POLR2E: variants seen among roughly 807,000 people sequenced by gnomAD.
The protein encoded by POLR2E is DNA-directed RNA polymerases I, II, and III subunit RPABC1.
In POLR2E, 35 loss-of-function variants were observed where a neutral mutation model predicts 29.8. The observed-to-expected ratio is 1.17, with a 90% CI of 0.90 to 1.55. The LOEUF (loss-of-function observed/expected upper bound fraction) is 1.55. POLR2E is among the 40% of genes most tolerant of loss of function. The pLI is 0.00. For synonymous variants in POLR2E, 174 were observed against 112.6 expected (o/e 1.55, Z -3.45); for missense variants, 287 against 288.6 (o/e 0.99, Z 0.04).
chr19:1,093,863 C>A, intron 2 of POLR2E, 41 bp downstream of exon 2: 1 of 1,529,642 alleles, frequency 6.5e-7, no homozygotes, highest in Non-Finnish European at 8.8e-7. Context: ...GGCAGGTGCT[C>A]TGGTGGCTTC....
In POLR2E at chr19:1,089,421, G is replaced by C. The variant is rs555654259; in HGVS notation, c.*14+51C>G. On this transcript the variant is annotated intron_variant, in intron 7 of 7. Coordinates refer to ENST00000615234, the MANE Select transcript of POLR2E (RefSeq NM_002695.5). Reference sequence around the variant, plus strand: ...AGCCCTGCACACCGACGGAGGGGACGACACCCCTGCCTCTGACCCCACCTC... The same window carrying C: ...AGCCCTGCACACCGACGGAGGGGACCACACCCCTGCCTCTGACCCCACCTC... 9.7e-6 allele frequency: 12 copies of C among 1,241,382 alleles called. No homozygotes were observed. The East Asian group carries it at 2.9e-4, about 30-fold the overall frequency. The allele number at this position is 1,241,382 out of a possible 1,614,324, so 76.9% of individuals were successfully genotyped here.
intron 4 of POLR2E, among the ~76,000 whole-genome samples, chr19:1,090,696 G>A (rs2068884400): frequency 2.6e-5 from 4 of 151,922 alleles, no homozygotes; most frequent in Admixed American, 2.6e-4. Flanking sequence ...GGGATTACAT[G>A]TGTGAGCCAC....
rs1568513176 is a variant in POLR2E at position 1,091,821 on chromosome 19, G to C, written c.319C>G (p.Gln107Glu). Residue 107 changes from glutamine to glutamate, a missense_variant, in exon 3 of 8, where the codon CAG (glutamine) becomes GAG (glutamate). By Grantham distance (29) the Gln-to-Glu change is conservative. Transcript: ENST00000615234. ...ENITRALIVVQQGMTPSAKQS... is the reference protein window; with the variant it reads ...ENITRALIVVEQGMTPSAKQS... ...TTGGCGGAGGGTGTCATGCCCTGCT[G>C]CACCACGATGAGAGCCCGTGTGATG... 1 of 1,611,814 alleles carries C rather than the reference G, an allele frequency of 6.2e-7. No homozygotes were observed. Among genetic ancestry groups the C allele is most frequent in the African/African-American group, 1.3e-5 (1 of 75,024 alleles).
Position 1,089,937 on chromosome 19 carries a change from T to C in POLR2E, c.514A>G (p.Arg172Gly). Residue 172 changes from arginine (R) to glycine (G), a missense_variant, in exon 6 of 8, where the codon AGG (arginine) becomes GGG (glycine). By Grantham distance (125) the Arg-to-Gly change is moderately radical (BLOSUM62 -2). Transcript: ENST00000615234. ...GCCACAGGGTCCCCCGCCTGGATCCTGGGCAGCTGGTTCTCTCGGAGCTTA... is the reference window on the plus strand; with the variant it reads ...GCCACAGGGTCCCCCGCCTGGATCCCGGGCAGCTGGTTCTCTCGGAGCTTA... ...RYKLRENQLP[R>G]IQAGDPVARY... 6.2e-7 allele frequency: 1 copy of C among 1,610,228 alleles called. No individual in the cohort carries two copies. The highest frequency in any genetic ancestry group is 8.5e-7 in the Non-Finnish European group (1 of 1,178,874).
At chr19:1,090,003 G>A (rs369834234) in intron 5 of POLR2E, 41 bp from the exon 6 acceptor site, 391 of 1,563,062 alleles carry the variant, frequency 2.5e-4, no homozygotes, top group Non-Finnish European at 3.2e-4. Flanking sequence ...AGGGCCGTTG[G>A]GGGGGCAGGG....
In POLR2E at chr19:1,095,326, G is replaced by C. The variant is rs774680156; in HGVS notation, c.-11C>G. The C allele has an allele frequency of 1.3e-6, 2 of 1,592,006 alleles. No individual in the cohort carries two copies. Among genetic ancestry groups the C allele is most frequent in the Admixed American group, 1.7e-5 (1 of 59,434 alleles). On this transcript the variant is annotated 5_prime_UTR_variant, in exon 1 of 8. Coordinates refer to ENST00000615234, the MANE Select transcript of POLR2E (RefSeq NM_002695.5). ...CTCCTCGTCGTCCATGGCAGCCTCC[G>C]CCGCCGCCGCCGCTCGCACCCCTTC... is the stretch of plus-strand genomic sequence containing the variant.
At chr19:1,091,067 G>A (rs1380969160) in intron 3 of POLR2E, 79 bp from the exon 4 acceptor site, 14 of 1,251,514 alleles carry the variant, frequency 1.1e-5, no homozygotes, top group East Asian at 4.7e-5. Context: ...AAGCTACCTG[G>A]GGCTTACTCG....
rs1028649314 is a variant in POLR2E at position 1,091,806 on chromosome 19, G to T, written c.334C>A (p.Pro112Thr). Reference protein sequence around the residue: ...ALIVVQQGMTPSAKQSLVDMA... With the variant: ...ALIVVQQGMTTSAKQSLVDMA... ...GGGGTGCCCACCTGCTTGGCGGAGG[G>T]TGTCATGCCCTGCTGCACCACGATG... The change falls in exon 3 of 8, where the codon CCC becomes ACC. Residue 112 changes from proline (P) to threonine (T), a missense_variant. By Grantham distance (38) the Pro-to-Thr change is conservative. Transcript: ENST00000615234. 4 of 1,608,404 alleles carry T rather than the reference G, an allele frequency of 2.5e-6. No homozygotes were observed. The highest frequency in any genetic ancestry group is 3.4e-6 in the Non-Finnish European group (4 of 1,177,506).
chr19:1,087,531 G>A lies in POLR2E; in HGVS notation c.*1204C>T, dbSNP rs1382129287. 6.6e-6 allele frequency: 1 copy of A among 151,794 alleles called. No individual in the cohort carries two copies. The highest frequency in any genetic ancestry group is 1.5e-5 in the Non-Finnish European group (1 of 68,012). The allele number at this position is 151,794 out of a possible 1,614,324, so 9.4% of individuals were successfully genotyped here. A position where few individuals can be genotyped will look rare whatever the true frequency, so the allele number is the denominator to read the frequency against. On this transcript the variant is annotated 3_prime_UTR_variant, in exon 8 of 8. Transcript: ENST00000615234. The stretch of plus-strand genomic sequence containing the variant: ...TGTCCCCTCCCTCCTCCCCAGCCCT[G>A]GGAACCCCCATCCCCACCCAACTCC...
At chr19:1,091,180 C>T (rs1480972266) in intron 3 of POLR2E, among the ~76,000 whole-genome samples, 192 bp from the exon 4 acceptor site, 1 of 152,238 alleles carries the variant, frequency 6.6e-6, no homozygotes, top group Admixed American at 6.5e-5. Context: ...TCATCGAGAG[C>T]CTCATCCAGC....
At position 1,090,136 on chromosome 19, in the gene POLR2E, C is replaced by G; in HGVS notation, c.439G>C (p.Glu147Gln). ...TCCTCCTTGGTCATGACGACGTGCTCAGGGACTAGCTGCCGAGAGAGGAAG... is the reference window on the plus strand; with the variant it reads ...TCCTCCTTGGTCATGACGACGTGCTGAGGGACTAGCTGCCGAGAGAGGAAG... ...INITEHELVP[E>Q]HVVMTKEEVT... Residue 147 changes from glutamate to glutamine, a missense_variant, in exon 5 of 8, where the codon GAG (glutamate) becomes CAG (glutamine). By Grantham distance (29) the Glu-to-Gln change is conservative (BLOSUM62 2). Coordinates refer to ENST00000615234, the MANE Select transcript of POLR2E (RefSeq NM_002695.5). 4 of 1,612,584 alleles carry G rather than the reference C, an allele frequency of 2.5e-6. No individual in the cohort carries two copies. The highest frequency in any genetic ancestry group is 3.4e-6 in the Non-Finnish European group (4 of 1,179,940).
intron 2 of POLR2E, chr19:1,092,164 G>T: frequency 2.2e-6 from 1 of 449,112 alleles, no homozygotes; most frequent in East Asian, 4.3e-5. Flanking sequence ...CCAGGGAGAA[G>T]CAGAGACCTT....
At position 1,091,008 on chromosome 19, in the gene POLR2E, A is replaced by C; in HGVS notation, c.349-20T>G. On this transcript the variant is annotated intron_variant, in intron 3 of 7. Coordinates refer to ENST00000615234, the MANE Select transcript of POLR2E (RefSeq NM_002695.5). ...CAGGGACTGGAAGAGAGCGGCTCTA[A>C]GGCACGGCCCGGAGGGGCCCAGACA... is the stretch of plus-strand genomic sequence containing the variant. 3 of 1,611,916 alleles carry C rather than the reference A, an allele frequency of 1.9e-6. No individual in the cohort carries two copies. The South Asian group carries it at 3.3e-5, about 18-fold the overall frequency.
intron 3 of POLR2E, chr19:1,091,434 C>G (rs763302201): frequency 8.0e-6 from 3 of 376,018 alleles, no homozygotes; most frequent in Admixed American, 4.0e-5. Context: ...TGGAGGACCC[C>G]GTGCCGGGCC....
At position 1,091,080 on chromosome 19, in the gene POLR2E, T is replaced by C. The variant is rs1568511637; in HGVS notation, c.349-92A>G. 1.8e-5 allele frequency: 20 copies of C among 1,093,334 alleles called. 1 individual carries two copies. Among genetic ancestry groups the C allele is most frequent in the Non-Finnish European group, 1.2e-5 (9 of 735,184 alleles). 67.7% of individuals were successfully genotyped at this position (1,093,334 alleles called of 1,614,324 possible). On this transcript the variant is annotated intron_variant, in intron 3 of 7. Coordinates refer to ENST00000615234, the MANE Select transcript of POLR2E (RefSeq NM_002695.5). The stretch of plus-strand genomic sequence containing the variant: ...TCAAGCTACCTGGGGCTTACTCGTG[T>C]GCCCCAACAACACACCCACGTCGTG...
chr19:1,091,156 C>G (rs2043820354), intron 3 of POLR2E, among the ~76,000 whole-genome samples, 168 bp from the exon 4 acceptor site: 1 of 152,358 alleles, frequency 6.6e-6, no homozygotes, highest in Non-Finnish European at 1.5e-5. Context: ...CCCGCCCCTC[C>G]CCAGCCTCTC....
At chr19:1,095,126 G>A (rs1221076619) in intron 1 of POLR2E, 133 bp downstream of exon 1, 1 of 919,842 alleles carries the variant, frequency 1.1e-6, no homozygotes, top group Admixed American at 2.4e-5. Context: ...GCGACCTCTG[G>A]GCCTCCCGTA....
rs750809933 is a variant in POLR2E at position 1,090,052 on chromosome 19, G to C, written c.488+35C>G. The C allele has an allele frequency of 3.8e-6, 6 of 1,594,776 alleles. No homozygotes were observed. The Admixed American group carries it at 1.0e-4, about 27-fold the overall frequency. On this transcript the variant is annotated intron_variant, in intron 5 of 7. Coordinates refer to ENST00000615234, the MANE Select transcript of POLR2E (RefSeq NM_002695.5). ...GGGAACGCGGAAGTCTCGAGGGACA[G>C]GGAGGGGCGGGGCCGGTGGGGCTGG...
chr19:1,089,567 G>A lies in POLR2E; in HGVS notation c.568-16C>T, dbSNP rs1395444485. 1.9e-6 allele frequency: 3 copies of A among 1,611,266 alleles called. No homozygotes were observed. The highest frequency in any genetic ancestry group is 1.3e-5 in the African/African-American group (1 of 75,006). On this transcript the variant is annotated splice_polypyrimidine_tract_variant and intron_variant, in intron 6 of 7. Coordinates refer to ENST00000615234, the MANE Select transcript of POLR2E (RefSeq NM_002695.5). ...TCTTCACCACCTGCAGAGACAGAGAGCAGGGGCTGCGAATGCTTGAGGGGT... is the reference window on the plus strand; with the variant it reads ...TCTTCACCACCTGCAGAGACAGAGAACAGGGGCTGCGAATGCTTGAGGGGT...
Sources: allele counts gnomAD v4.1 joint callset (sites outside exome capture counted in the v4.1 genomes callset), GRCh38; gene constraint gnomAD v4.1.1; transcripts MANE v1.5; gene names NCBI Gene and HGNC (gene_info 2026-07-23, HGNC 2026-07-21).